DLGAP1: variants seen among roughly 807,000 people sequenced by gnomAD.
DLGAP1 encodes DLG associated protein 1.
Under a neutral mutation model 90.8 loss-of-function variants are expected in DLGAP1, and 11 were observed. The ratio of observed to expected loss-of-function variants is 0.12; its 90% CI spans 0.08 to 0.20. DLGAP1 has a LOEUF of 0.20. DLGAP1 is among the 10% of genes least tolerant of loss of function. The pLI, the probability that DLGAP1 is intolerant of heterozygous loss-of-function variation, is 1.00. For missense variants in DLGAP1, 1,050 were observed against 1,333.8 expected (o/e 0.79, Z 3.31); for synonymous variants, 558 against 540.7 (o/e 1.03, Z -0.44).
rs544643910 is a variant in DLGAP1, at chr18:3,965,940, C to CAA, written c.-73+39174_-73+39175dup. On this transcript the variant is annotated intron_variant, in intron 3 of 12. Transcript: ENST00000315677. ...TGGGCGACCGGGTAAGACTCCATGT[C>CAA]AAAAAAAAAAAAAAAAAATAGAGTA... Among the ~76,000 whole-genome samples the CAA allele has an allele frequency of 4.3e-3, 434 of 100,544 alleles. 13 individuals carry two copies. The highest frequency in any genetic ancestry group is 0.013 in the African/African-American group (343 of 26,584). The allele number at this position is 100,544 out of a possible 152,430, so 66.0% of individuals were successfully genotyped here.
At chr18:4,278,718 T>G (rs1170689568) in intron 1 of DLGAP1, among the ~76,000 whole-genome samples, 1 of 150,678 alleles carries the variant, frequency 6.6e-6, no homozygotes, top group East Asian at 1.9e-4. Flanking sequence ...TGCATGTGTG[T>G]GTGTATATAC....
At chr18:4,042,529 G>C (rs1411278935) in intron 2 of DLGAP1, among the ~76,000 whole-genome samples, 1 of 152,166 alleles carries the variant, frequency 6.6e-6, no homozygotes, top group African/African-American at 2.4e-5. Flanking sequence ...CCTGATGTCA[G>C]GAGTTCGAGA....
At chr18:3,758,453 G>A (rs2063809429) in intron 5 of DLGAP1, among the ~76,000 whole-genome samples, 4 of 152,102 alleles carry the variant, frequency 2.6e-5, no homozygotes, top group Admixed American at 2.6e-4. Context: ...ATCATTATTG[G>A]CCAAAATTAT....
At chr18:4,038,780 AG>A (rs1388938148) in intron 2 of DLGAP1, among the ~76,000 whole-genome samples, 2 of 152,102 alleles carry the variant, frequency 1.3e-5, no homozygotes, top group Non-Finnish European at 1.5e-5. Flanking sequence ...CCCCAGGTAA[AG>A]AAAGAAAGAT....
At chr18:4,166,714 T>C (rs2076939247) in intron 1 of DLGAP1, among the ~76,000 whole-genome samples, 1 of 152,208 alleles carries the variant, frequency 6.6e-6, no homozygotes, top group Non-Finnish European at 1.5e-5. Context: ...AGAAATATTA[T>C]CCAGCCTTAT....
In DLGAP1 at chr18:3,653,255, C is replaced by T. The variant is rs2059375733; in HGVS notation, c.1592-71007G>A. Among the ~76,000 whole-genome samples, 1 of 152,072 alleles carries T rather than the reference C, an allele frequency of 6.6e-6. No individual in the cohort carries two copies. The highest frequency in any genetic ancestry group is 1.5e-5 in the Non-Finnish European group (1 of 68,022). On this transcript the variant is annotated intron_variant, in intron 7 of 12. Coordinates refer to ENST00000315677, the MANE Select transcript of DLGAP1 (RefSeq NM_004746.4). This position sits in a 1 kb window ranked among gnomAD's most constrained non-coding sequence, Gnocchi z 4.6. ...CCTGCCATTGGTGCGACTGTTTCCCCCTTCCGTCAAATTGCTGTCTAGATG... is the reference window on the plus strand; with the variant it reads ...CCTGCCATTGGTGCGACTGTTTCCCTCTTCCGTCAAATTGCTGTCTAGATG...
intron 1 of DLGAP1, among the ~76,000 whole-genome samples, chr18:4,186,262 G>A (rs1469517114): frequency 6.6e-6 from 1 of 152,066 alleles, no homozygotes; most frequent in Non-Finnish European, 1.5e-5. Context: ...CTTTTGCAGT[G>A]CAGAAGCTGT....
At chr18:4,400,376 G>A (rs997089370) in intron 1 of DLGAP1, among the ~76,000 whole-genome samples, 4 of 152,238 alleles carry the variant, frequency 2.6e-5, no homozygotes, top group African/African-American at 9.6e-5. Context: ...CTCTCCTGCT[G>A]TTGTTCAGAA....
intron 1 of DLGAP1, among the ~76,000 whole-genome samples, chr18:4,317,608 A>G (rs950955600): frequency 2.0e-5 from 3 of 152,186 alleles, no homozygotes; most frequent in African/African-American, 7.2e-5. Flanking sequence ...CACTGAATTC[A>G]GATATTAAAA....
intron 7 of DLGAP1, among the ~76,000 whole-genome samples, chr18:3,587,810 T>C (rs2055980491): frequency 6.6e-6 from 1 of 151,878 alleles, no homozygotes; most frequent in South Asian, 2.1e-4. Flanking sequence ...GCTGTAACAC[T>C]CACCATGAGG....
In DLGAP1 at chr18:3,653,327, A is replaced by G. The variant is rs977133219; in HGVS notation, c.1592-71079T>C. On this transcript the variant is annotated intron_variant, in intron 7 of 12. Coordinates refer to ENST00000315677, the MANE Select transcript of DLGAP1 (RefSeq NM_004746.4). The surrounding 1 kb of genome is among the most constrained non-coding windows in gnomAD (Gnocchi z 4.6). ...CTCGGAGTTTGGGATTATCAATCTA[A>G]AATCAGAGGTGAGAATTCATCAGTG... 7.2e-5 allele frequency: 11 copies of G among 152,146 alleles called. No individual in the cohort carries two copies. Among genetic ancestry groups the G allele is most frequent in the African/African-American group, 2.4e-4 (10 of 41,406 alleles). 9.4% of individuals were successfully genotyped at this position (152,146 alleles called of 1,614,324 possible). A position where few individuals can be genotyped will look rare whatever the true frequency, so the allele number is the denominator to read the frequency against.
intron 7 of DLGAP1, among the ~76,000 whole-genome samples, chr18:3,718,839 T>A (rs2061856366): frequency 6.8e-6 from 1 of 147,838 alleles, no homozygotes; most frequent in Non-Finnish European, 1.5e-5. Context: ...GGCAGGAGAA[T>A]CTCTTGAACC....
chr18:3,534,747 A>G lies in DLGAP1; in HGVS notation c.2058-132T>C, dbSNP rs965752296. The G allele has an allele frequency of 1.2e-5, 10 of 862,184 alleles. No homozygotes were observed. In the African/African-American group the frequency reaches 1.6e-4, roughly 14 times the overall value. 53.4% of individuals were successfully genotyped at this position (862,184 alleles called of 1,614,324 possible). ...ACTCTGTCTCCCAGGCTGGAGTGCA[A>G]GTGGCGTGATCTCGGCTCACAGCAA... is the stretch of plus-strand genomic sequence containing the variant. On this transcript the variant is annotated intron_variant, in intron 9 of 12. Coordinates refer to ENST00000315677, the MANE Select transcript of DLGAP1 (RefSeq NM_004746.4).
chr18:4,376,557 G>A lies in DLGAP1; in HGVS notation c.-267+78449C>T, dbSNP rs79790218. ...GTGGTGTTTATCATTTCTTAAGAAGGAATATCCATTAATTTAGGATATAAT... is the reference window on the plus strand; with the variant it reads ...GTGGTGTTTATCATTTCTTAAGAAGAAATATCCATTAATTTAGGATATAAT... On this transcript the variant is annotated intron_variant, in intron 1 of 12. Transcript: ENST00000315677. Among the ~76,000 whole-genome samples the A allele has an allele frequency of 3.2e-4, 49 of 152,212 alleles. No individual in the cohort carries two copies. In the East Asian group the frequency reaches 9.3e-3, roughly 29 times the overall value.
chr18:3,949,670 T>A (rs1056649615), intron 3 of DLGAP1, among the ~76,000 whole-genome samples: 15 of 152,194 alleles, frequency 9.9e-5, no homozygotes, highest in Non-Finnish European at 2.2e-4. Context: ...TCTGGACTGG[T>A]TGTATATAGT....
At chr18:4,265,339 T>A (rs2145298555) in intron 1 of DLGAP1, among the ~76,000 whole-genome samples, 1 of 152,008 alleles carries the variant, frequency 6.6e-6, no homozygotes, top group Non-Finnish European at 1.5e-5. Context: ...TGGCTAATTT[T>A]TTTGTATTTT....
At chr18:4,162,361 T>C (rs1339841233) in intron 1 of DLGAP1, among the ~76,000 whole-genome samples, 1 of 152,178 alleles carries the variant, frequency 6.6e-6, no homozygotes, top group African/African-American at 2.4e-5. Context: ...AGGGTCTCTC[T>C]GCTCTCAAGG....
At chr18:4,013,403 G>C (rs555289460) in intron 2 of DLGAP1, among the ~76,000 whole-genome samples, 2 of 152,170 alleles carry the variant, frequency 1.3e-5, no homozygotes, top group South Asian at 4.1e-4. Flanking sequence ...GAAGGAGCTG[G>C]ACCCAAATCC....
At chr18:3,572,241 A>G (rs2054849524) in intron 8 of DLGAP1, among the ~76,000 whole-genome samples, 1 of 151,956 alleles carries the variant, frequency 6.6e-6, no homozygotes, top group Admixed American at 6.6e-5. Flanking sequence ...CATGTATATT[A>G]TCTACGAATA....
Sources: gnomAD v4.1 joint callset for allele counts (sites outside exome capture counted in the v4.1 genomes callset) on GRCh38, gnomAD v4.1.1 for gene constraint, Gnocchi (gnomAD v3.1) non-coding constraint, MANE v1.5 for transcripts, NCBI Gene and HGNC (gene_info 2026-07-23, HGNC 2026-07-21) for gene names.